The following TMPRSS2 variants were observed in gnomAD, a reference collection of about 807,000 sequenced individuals.
TMPRSS2 encodes transmembrane protease serine 2.
Under a neutral mutation model 67.4 loss-of-function variants are expected in TMPRSS2, and 59 were observed. That is an observed-to-expected ratio of 0.88 (90% CI 0.71 to 1.09). TMPRSS2 has a LOEUF of 1.09. Ranked by LOEUF, TMPRSS2 falls within the 50% of genes least tolerant of loss-of-function variation. The pLI, the probability that TMPRSS2 is intolerant of heterozygous loss-of-function variation, is 0.00. For missense variants in TMPRSS2, 668 were observed against 642.7 expected (o/e 1.04, Z -0.43); for synonymous variants, 257 against 257.0 (o/e 1.00, Z 0.00).
chr21:41,494,234 CGGA>C (rs766987945), intron 3 of TMPRSS2, 119 bp downstream of exon 3: 8 of 1,052,188 alleles, frequency 7.6e-6, no homozygotes, highest in Non-Finnish European at 1.1e-5. Flanking sequence ...CTCCGGAAGA[CGGA>C]GGAGAAGGGT....
chr21:41,480,479 T>G lies in TMPRSS2; in HGVS notation c.569A>C (p.Tyr190Ser). The G allele has an allele frequency of 6.2e-7, 1 of 1,613,522 alleles. No individual in the cohort carries two copies. Among genetic ancestry groups the G allele is most frequent in the Non-Finnish European group, 8.5e-7 (1 of 1,179,984 alleles). Residue 190 changes from tyrosine to serine, a missense_variant, in exon 6 of 14, where the codon TAT becomes TCT. Physicochemically the swap from Tyr to Ser is moderately radical, Grantham distance 144 (BLOSUM62 -2). Coordinates refer to ENST00000332149, the MANE Select transcript of TMPRSS2 (RefSeq NM_005656.4). ...GCGGGTGCTGCCCCATACTCACTTA[T>G]AGCCCATGTCCCTGCAGGCCGCCCG... The part of the protein sequence containing the change: ...YGRAACRDMG[Y>S]KNNFYSSQGI...
chr21:41,473,640 G>A (rs2091155810), intron 8 of TMPRSS2, 144 bp from the exon 9 acceptor site: 1 of 930,854 alleles, frequency 1.1e-6, no homozygotes, highest in East Asian at 2.7e-5. Context: ...GGGGCTCCTG[G>A]GGGTCTCCTC....
intron 5 of TMPRSS2, chr21:41,486,980 G>A (rs1224248917): frequency 1.3e-5 from 2 of 152,190 alleles, no homozygotes; most frequent in Admixed American, 6.5e-5. Flanking sequence ...ACAGTATGGA[G>A]TTTCCTCAAA....
chr21:41,504,918 T>C lies in TMPRSS2; in HGVS notation c.-57+3163A>G, dbSNP rs73357663. Reference sequence around the variant, plus strand: ...TTGGAGGATCCCCTGGCAGGTGTCCTGGAAAGTAAGGAGGGGCGGGGAAGA... The same window carrying C: ...TTGGAGGATCCCCTGGCAGGTGTCCCGGAAAGTAAGGAGGGGCGGGGAAGA... On this transcript the variant is annotated intron_variant, in intron 1 of 13. Coordinates refer to ENST00000332149, the MANE Select transcript of TMPRSS2 (RefSeq NM_005656.4). 3.6e-3 allele frequency among the ~76,000 whole-genome samples: 553 copies of C among 152,056 alleles called. 4 individuals are homozygous for C. Among genetic ancestry groups the C allele is most frequent in the African/African-American group, 0.012 (513 of 41,452 alleles).
intron 5 of TMPRSS2, among the ~76,000 whole-genome samples, chr21:41,482,287 T>C (rs894295999): frequency 1.3e-5 from 2 of 152,150 alleles, no homozygotes; most frequent in African/African-American, 4.8e-5. Flanking sequence ...TCCAGAGTTT[T>C]GGGGACTTTT....
chr21:41,471,313 T>C (rs1487982998), intron 10 of TMPRSS2, among the ~76,000 whole-genome samples: 1 of 152,226 alleles, frequency 6.6e-6, no homozygotes, highest in Non-Finnish European at 1.5e-5. Context: ...TTAGAATGTA[T>C]CTTTAAAAAT....
rs985538173 is a variant in TMPRSS2, at chr21:41,478,015, G to A, written c.683+1157C>T. 3.3e-5 allele frequency among the ~76,000 whole-genome samples: 5 copies of A among 151,832 alleles called. No homozygotes were observed. The highest frequency in any genetic ancestry group is 7.4e-5 in the Non-Finnish European group (5 of 67,972). On this transcript the variant is annotated intron_variant, in intron 7 of 13. Transcript: ENST00000332149. This position sits in a 1 kb window ranked among gnomAD's most constrained non-coding sequence, Gnocchi z 4.0. ...CGGCAGCACCTCCTCCCCTCCCCCC[G>A]TCCCTGCCCGGCTGGACTTGGCTCC... is the stretch of plus-strand genomic sequence containing the variant.
At chr21:41,500,696 A>T (rs1310053942) in intron 1 of TMPRSS2, among the ~76,000 whole-genome samples, 1 of 152,248 alleles carries the variant, frequency 6.6e-6, no homozygotes, top group Non-Finnish European at 1.5e-5. Context: ...ACTAAAGTTC[A>T]CACCTTCCTG....
At chr21:41,489,411 G>T in intron 4 of TMPRSS2, 96 bp downstream of exon 4, 1 of 930,158 alleles carries the variant, frequency 1.1e-6, no homozygotes, top group Non-Finnish European at 1.7e-6. Flanking sequence ...CTCACGGAGG[G>T]CCTCCAGAGG....
At chr21:41,477,646 T>A (rs1389098355) in intron 7 of TMPRSS2, among the ~76,000 whole-genome samples, 1 of 152,132 alleles carries the variant, frequency 6.6e-6, no homozygotes, top group Non-Finnish European at 1.5e-5. Context: ...TCTCAGTGAC[T>A]ACAGGTGCAT....
intron 5 of TMPRSS2, among the ~76,000 whole-genome samples, chr21:41,482,990 G>A (rs2091267856): frequency 6.6e-6 from 1 of 152,190 alleles, no homozygotes; most frequent in Admixed American, 6.5e-5. Context: ...TTTTAAGGCA[G>A]GAGAACTACT....
intron 3 of TMPRSS2, among the ~76,000 whole-genome samples, chr21:41,492,869 C>T (rs1028673780): frequency 8.5e-5 from 13 of 152,216 alleles, no homozygotes; most frequent in African/African-American, 3.1e-4. Flanking sequence ...AGAGGGCCTT[C>T]ACTGCCATTT....
intron 11 of TMPRSS2, 95 bp downstream of exon 11, chr21:41,470,553 T>G (rs1477309287): frequency 8.9e-7 from 1 of 1,129,498 alleles, no homozygotes. Context: ...AGTCATTGAG[T>G]AGTAGAACTG....
In TMPRSS2 at chr21:41,471,988, GAGA is replaced by G. The variant is rs1247993231; in HGVS notation, c.900-10_900-8del. The G allele has an allele frequency of 5.7e-6, 9 of 1,591,810 alleles. No homozygotes were observed. The highest frequency in any genetic ancestry group is 2.3e-5 in the East Asian group (1 of 44,406). ...CCATGGATTGTTAAGAGGTCTGGGA[GAGA>G]AGAAGGACTCAGTATCTCAGAGCCA... On this transcript the variant is annotated splice_region_variant and splice_polypyrimidine_tract_variant and intron_variant, in intron 9 of 13. Transcript: ENST00000332149.
intron 1 of TMPRSS2, among the ~76,000 whole-genome samples, chr21:41,498,454 G>C (rs750857406): frequency 6.6e-6 from 1 of 152,148 alleles, no homozygotes; most frequent in African/African-American, 2.4e-5. Context: ...GGGTGCAATT[G>C]TAAGTGCAGC....
intron 5 of TMPRSS2, among the ~76,000 whole-genome samples, chr21:41,483,692 C>A (rs2091274376): frequency 6.6e-6 from 1 of 151,916 alleles, no homozygotes; most frequent in African/African-American, 2.4e-5. Context: ...GATTTTCTTT[C>A]CCTTCCAGCT....
At chr21:41,504,958 G>A (rs555327583) in intron 1 of TMPRSS2, among the ~76,000 whole-genome samples, 1 of 152,054 alleles carries the variant, frequency 6.6e-6, no homozygotes, top group South Asian at 2.1e-4. Flanking sequence ...CAAAGGCCTG[G>A]TGACTGTGGG....
chr21:41,480,207 T>A (rs139181746), intron 6 of TMPRSS2, among the ~76,000 whole-genome samples: 1 of 152,102 alleles, frequency 6.6e-6, no homozygotes, highest in African/African-American at 2.4e-5. Flanking sequence ...TCTGACCAGA[T>A]GACCACAGCA....
chr21:41,502,442 G>A lies in TMPRSS2; in HGVS notation c.-56-4253C>T, dbSNP rs912484082. On this transcript the variant is annotated intron_variant, in intron 1 of 13. Transcript: ENST00000332149. Reference sequence around the variant, plus strand: ...CCCACCTGTGACTGGTACGGTTCGAGTTGCTGGAGGTGTGAGAGGGAACAG... The same window carrying A: ...CCCACCTGTGACTGGTACGGTTCGAATTGCTGGAGGTGTGAGAGGGAACAG... 5 of 985,286 alleles carry A rather than the reference G, an allele frequency of 5.1e-6. No homozygotes were observed. The African/African-American group carries it at 8.7e-5, about 17-fold the overall frequency. 61.0% of individuals were successfully genotyped at this position (985,286 alleles called of 1,614,324 possible).
Sources: allele counts gnomAD v4.1 joint callset (sites outside exome capture counted in the v4.1 genomes callset), GRCh38; gene constraint gnomAD v4.1.1; non-coding constraint Gnocchi (gnomAD v3.1); transcripts MANE v1.5; gene names NCBI Gene and HGNC (gene_info 2026-07-23, HGNC 2026-07-21).